The following CYB561A3 variants were observed in gnomAD, a reference collection of about 807,000 sequenced individuals.
CYB561A3 encodes lysosomal membrane ascorbate-dependent ferrireductase CYB561A3.
A neutral mutation model predicts 25.3 loss-of-function variants in CYB561A3; 16 were observed. The observed-to-expected ratio is 0.63, with a 90% CI of 0.43 to 0.96. The LOEUF is 0.96. Ranked by LOEUF, CYB561A3 falls within the 40% of genes least tolerant of loss-of-function variation. The pLI is 0.00. For synonymous variants in CYB561A3, 131 were observed against 129.9 expected, an observed-to-expected ratio of 1.01 and a Z score of -0.06; for missense variants, 219 against 307.5, an observed-to-expected ratio of 0.71 and a Z score of 2.15.
At chr11:61,361,488 C>T (rs915574340) in intron 1 of CYB561A3, among the ~76,000 whole-genome samples, 1 of 152,190 alleles carries the variant, frequency 6.6e-6, no homozygotes, top group South Asian at 2.1e-4. Flanking sequence ...CTGCTGGGTG[C>T]TCGTGCCAGC....
chr11:61,351,172 C>A, intron 5 of CYB561A3, 25 bp from the exon 6 acceptor site: 1 of 1,590,914 alleles, frequency 6.3e-7, no homozygotes, highest in Non-Finnish European at 8.6e-7. Context: ...ACAATGTGAG[C>A]CCTCGAGAGA....
At chr11:61,353,266 G>C in intron 4 of CYB561A3, 127 bp from the exon 5 acceptor site, 1 of 1,226,354 alleles carries the variant, frequency 8.2e-7, no homozygotes, top group Non-Finnish European at 1.1e-6. Context: ...TTCCCACCTG[G>C]CATTGCCCAC....
chr11:61,349,879 G>A lies in CYB561A3; in HGVS notation c.*520C>T, dbSNP rs1448200255. The A allele has an allele frequency of 1.8e-6, 1 of 548,306 alleles. No homozygotes were observed. Among genetic ancestry groups the A allele is most frequent in the Non-Finnish European group, 3.3e-6 (1 of 303,188 alleles). 34.0% of individuals were successfully genotyped at this position (548,306 alleles called of 1,614,324 possible). A position where few individuals can be genotyped will look rare whatever the true frequency, so the allele number is the denominator to read the frequency against. On this transcript the variant is annotated 3_prime_UTR_variant, in exon 7 of 7. Transcript: ENST00000294072. ...CCTAACTGAAATGCACACCTTTATG[G>A]GGGAAGTGGACGGACACCTCACCTC...
chr11:61,359,467 G>A (rs562957687), intron 1 of CYB561A3: 1 of 151,922 alleles, frequency 6.6e-6, no homozygotes, highest in Non-Finnish European at 1.5e-5. Flanking sequence ...AAGAGATCTT[G>A]ATCAGCAGGC....
chr11:61,351,141 GT>G lies in CYB561A3; in HGVS notation c.554del (p.Asn185ThrfsTer47). 2 of 1,606,836 alleles carry G rather than the reference GT, an allele frequency of 1.2e-6. No individual in the cohort carries two copies. The highest frequency in any genetic ancestry group is 8.5e-7 in the Non-Finnish European group (1 of 1,177,542). ...GCAGGCTGTGGTATGGCCTGGTGGT[GT>G]TTTTCCTGAAGATGACAAAACAATG... ...INEKLFFSLK[N>X]TTRPYHSLPS... On this transcript the variant is annotated frameshift_variant, in exon 6 of 7. Coordinates refer to ENST00000294072, the MANE Select transcript of CYB561A3 (RefSeq NM_153611.6). LOFTEE classifies it high-confidence loss of function.
intron 5 of CYB561A3, 90 bp downstream of exon 5, chr11:61,352,895 C>G: frequency 6.2e-7 from 1 of 1,604,404 alleles, no homozygotes; most frequent in Non-Finnish European, 8.5e-7. Flanking sequence ...TCTCTCCTCC[C>G]TTGGGTGAGT....
chr11:61,361,840 T>A lies in CYB561A3; in HGVS notation c.-219A>T, dbSNP rs550885466. The A allele has an allele frequency of 6.6e-6, 1 of 152,252 alleles. No homozygotes were observed. The highest frequency in any genetic ancestry group is 1.5e-5 in the Non-Finnish European group (1 of 68,062). The allele number at this position is 152,252 out of a possible 1,614,324, so 9.4% of individuals were successfully genotyped here. A position where few individuals can be genotyped will look rare whatever the true frequency, so the allele number is the denominator to read the frequency against. Reference sequence around the variant, plus strand: ...GGTTCCTAGGAGATGCAGAAGACACTGCCCTGAATGCCTACAGCCGGCTGG... The same window carrying A: ...GGTTCCTAGGAGATGCAGAAGACACAGCCCTGAATGCCTACAGCCGGCTGG... On this transcript the variant is annotated 5_prime_UTR_variant, in exon 1 of 7. Transcript: ENST00000294072.
Position 61,356,693 on chromosome 11 carries a change from G to A in CYB561A3, c.21C>T (p.Tyr7=), listed in dbSNP as rs1434294414. 1.9e-6 allele frequency: 3 copies of A among 1,614,202 alleles called. No individual in the cohort carries two copies. Among genetic ancestry groups the A allele is most frequent in the Admixed American group, 3.3e-5 (2 of 60,020 alleles). ...GGGACCCCAGCAGCAGGCAGGACAA[G>A]TAGAACCGTCCAGACACCATTCTGA... is the stretch of plus-strand genomic sequence containing the variant. The part of the protein sequence containing the change: MVSGRF[Y]LSCLLLGSLG... The change falls in exon 3 of 7, where the codon TAC becomes TAT. Residue 7 remains tyrosine, a synonymous_variant. Coordinates refer to ENST00000294072, the MANE Select transcript of CYB561A3 (RefSeq NM_153611.6).
rs1233201355 is a variant in CYB561A3, at chr11:61,353,881, A to T, written c.296T>A (p.Val99Asp). The T allele has an allele frequency of 1.2e-6, 2 of 1,614,178 alleles. No individual in the cohort carries two copies. The highest frequency in any genetic ancestry group is 8.5e-7 in the Non-Finnish European group (1 of 1,180,038). ...MAFVLTVVGL[V>D]AVFTFHNHGR... ...ATGGTTGTGAAACGTAAAGACAGCA[A>T]CCAGCCCCACAACAGTGAGGACGAA... Residue 99 changes from valine (V) to aspartate (D), a missense_variant, in exon 4 of 7, where the codon GTT becomes GAT. Transcript: ENST00000294072.
rs1051278657 is a variant in CYB561A3, at chr11:61,350,058, T to A, written c.*341A>T. ...CGTGTGAATGGAGGACCTGAGAGGCTGACGCCAAGGAGTGCAGAAGCCAAA... is the reference window on the plus strand; with the variant it reads ...CGTGTGAATGGAGGACCTGAGAGGCAGACGCCAAGGAGTGCAGAAGCCAAA... On this transcript the variant is annotated 3_prime_UTR_variant, in exon 7 of 7. Transcript: ENST00000294072. 5 of 516,120 alleles carry A rather than the reference T, an allele frequency of 9.7e-6. No homozygotes were observed. The highest frequency in any genetic ancestry group is 1.8e-5 in the Non-Finnish European group (5 of 285,240). The allele number at this position is 516,120 out of a possible 1,614,324, so 32.0% of individuals were successfully genotyped here.
At position 61,353,960 on chromosome 11, in the gene CYB561A3, C is replaced by A. The variant is rs747123256; in HGVS notation, c.217G>T (p.Val73Leu). ...SLVYRLPQSW[V>L]GPKLPWKLLH... is the part of the protein sequence containing the mutation. ...AGTTTCCAGGGCAGTTTGGGCCCCA[C>A]CCACGACTGGGGCAGGCGGTACACC... Residue 73 changes from valine (V) to leucine (L), a missense_variant, in exon 4 of 7, where the codon GTG becomes TTG. Coordinates refer to ENST00000294072, the MANE Select transcript of CYB561A3 (RefSeq NM_153611.6). 3 of 1,614,136 alleles carry A rather than the reference C, an allele frequency of 1.9e-6. No individual in the cohort carries two copies. The highest frequency in any genetic ancestry group is 2.2e-5 in the South Asian group (2 of 91,070).
intron 3 of CYB561A3, 137 bp from the exon 4 acceptor site, chr11:61,354,129 G>A (rs940514728): frequency 4.4e-5 from 37 of 834,406 alleles, no homozygotes; most frequent in Non-Finnish European, 6.3e-5. Context: ...TCAACTCCTC[G>A]GCATCTTCTA....
Position 61,354,307 on chromosome 11 carries a change from T to C in CYB561A3, c.185-315A>G, listed in dbSNP as rs117414415. 6.7e-4 allele frequency: 254 copies of C among 378,630 alleles called. No individual in the cohort carries two copies. In the East Asian group the frequency reaches 0.013, roughly 19 times the overall value. 23.5% of individuals were successfully genotyped at this position (378,630 alleles called of 1,614,324 possible). ...AGGAGTTTGAGGTTACAGTGAGCTA[T>C]GATCATGCCACTGCAATCTAGCCTG... On this transcript the variant is annotated intron_variant, in intron 3 of 6. Transcript: ENST00000294072.
chr11:61,350,605 CT>C lies in CYB561A3; in HGVS notation c.706-184del, dbSNP rs1214252602. 4.3e-6 allele frequency: 3 copies of C among 700,680 alleles called. No homozygotes were observed. The Admixed American group carries it at 8.4e-5, about 20-fold the overall frequency. The allele number at this position is 700,680 out of a possible 1,614,324, so 43.4% of individuals were successfully genotyped here. A position where few individuals can be genotyped will look rare whatever the true frequency, so the allele number is the denominator to read the frequency against. ...CCGTCTCCCTACATCCCATCAAGAC[CT>C]GCTCTGAGCACTCAGCTGGTCACCA... On this transcript the variant is annotated intron_variant, in intron 6 of 6. Coordinates refer to ENST00000294072, the MANE Select transcript of CYB561A3 (RefSeq NM_153611.6).
rs900169920 is a variant in CYB561A3, at chr11:61,350,046, G to T, written c.*353C>A. The T allele has an allele frequency of 1.2e-5, 6 of 504,584 alleles. No homozygotes were observed. Among genetic ancestry groups the T allele is most frequent in the Non-Finnish European group, 2.2e-5 (6 of 278,202 alleles). 31.3% of individuals were successfully genotyped at this position (504,584 alleles called of 1,614,324 possible). A position where few individuals can be genotyped will look rare whatever the true frequency, so the allele number is the denominator to read the frequency against. ...CGAGGAGGACCTCGTGTGAATGGAGGACCTGAGAGGCTGACGCCAAGGAGT... is the reference window on the plus strand; with the variant it reads ...CGAGGAGGACCTCGTGTGAATGGAGTACCTGAGAGGCTGACGCCAAGGAGT... On this transcript the variant is annotated 3_prime_UTR_variant, in exon 7 of 7. Coordinates refer to ENST00000294072, the MANE Select transcript of CYB561A3 (RefSeq NM_153611.6).
intron 3 of CYB561A3, chr11:61,354,853 G>A (rs537393327): frequency 6.8e-5 from 10 of 147,012 alleles, no homozygotes; most frequent in African/African-American, 2.4e-4. Context: ...TTAGCTGTTT[G>A]GCCTCTCCTT....
In CYB561A3 at chr11:61,349,529, G is replaced by T; in HGVS notation, c.*870C>A. 1 of 702,832 alleles carries T rather than the reference G, an allele frequency of 1.4e-6. No individual in the cohort carries two copies. Among genetic ancestry groups the T allele is most frequent in the South Asian group, 1.5e-5 (1 of 67,582 alleles). 43.5% of individuals were successfully genotyped at this position (702,832 alleles called of 1,614,324 possible). A position where few individuals can be genotyped will look rare whatever the true frequency, so the allele number is the denominator to read the frequency against. On this transcript the variant is annotated 3_prime_UTR_variant, in exon 7 of 7. Coordinates refer to ENST00000294072, the MANE Select transcript of CYB561A3 (RefSeq NM_153611.6). ...TACTCATCGCTACTGGGACATCTGG[G>T]GACAGGCTCTGTTCTTGGGAGAGCA...
At chr11:61,356,772 C>T in intron 2 of CYB561A3, 44 bp from the exon 3 acceptor site, 1 of 1,597,696 alleles carries the variant, frequency 6.3e-7, no homozygotes, top group South Asian at 1.1e-5. Context: ...CTCAGATGCA[C>T]CCAGTTCTCT....
intron 6 of CYB561A3, 82 bp downstream of exon 6, chr11:61,350,909 G>C (rs1394278336): frequency 6.6e-7 from 1 of 1,513,768 alleles, no homozygotes; most frequent in African/African-American, 1.4e-5. Context: ...AAGTCTTCTT[G>C]TCAAGGCCCC....
Sources: allele counts gnomAD v4.1 joint callset (sites outside exome capture counted in the v4.1 genomes callset), GRCh38; gene constraint gnomAD v4.1.1; transcripts MANE v1.5; gene names NCBI Gene and HGNC (gene_info 2026-07-23, HGNC 2026-07-21).